The following SEMA3D variants were observed in gnomAD, a reference collection of about 807,000 sequenced individuals.
The protein encoded by SEMA3D is semaphorin-3D.
Under a neutral mutation model 100.1 loss-of-function variants are expected in SEMA3D, and 84 were observed. That is an observed-to-expected ratio of 0.84 (90% CI 0.70 to 1.01). SEMA3D has a LOEUF of 1.01. SEMA3D is among the 50% of genes least tolerant of loss of function. The pLI is 0.00. For synonymous variants in SEMA3D, 312 were observed against 320.7 expected (o/e 0.97, Z 0.29); for missense variants, 875 against 934.1 (o/e 0.94, Z 0.82).
chr7:85,091,152 G>GGGAAGGAA (rs1186876239), intron 4 of SEMA3D, among the ~76,000 whole-genome samples: 8 of 130,192 alleles, frequency 6.1e-5, no homozygotes, highest in Middle Eastern at 4.3e-3. Flanking sequence ...GAAGGAAGGA[G>GGGAAGGAA]GGAAGGAAGG....
chr7:85,075,049 T>C (rs1791884329), intron 5 of SEMA3D, among the ~76,000 whole-genome samples: 1 of 152,190 alleles, frequency 6.6e-6, no homozygotes, highest in African/African-American at 2.4e-5. Context: ...GGAGGTTTTA[T>C]AATCCAGCCT....
At chr7:85,226,223 A>C in the SEMA3D span, among the ~76,000 whole-genome samples, 8 of 152,044 alleles carry the variant, frequency 5.3e-5, no homozygotes, top group Admixed American at 3.3e-4. Context: ...TTAAAAAAAA[A>C]CTCTTTTTTT....
At chr7:85,198,221 T>C in the SEMA3D span, among the ~76,000 whole-genome samples, 1 of 152,148 alleles carries the variant, frequency 6.6e-6, no homozygotes, top group South Asian at 2.1e-4. Context: ...CTTTTTCCCG[T>C]ACAGGTTTTG....
intron 1 of SEMA3D, among the ~76,000 whole-genome samples, chr7:85,158,771 C>T (rs890937345): frequency 1.3e-5 from 2 of 152,080 alleles, no homozygotes; most frequent in Non-Finnish European, 2.9e-5. Flanking sequence ...GGACACTCAG[C>T]TTTAAAATTT....
intron 6 of SEMA3D, 118 bp downstream of exon 6, chr7:85,072,844 C>T (rs1253885454): frequency 5.1e-6 from 4 of 787,134 alleles, no homozygotes; most frequent in African/African-American, 1.8e-5. Flanking sequence ...CAGGCACCTC[C>T]ATGCCTGGCC....
Position 85,054,070 on chromosome 7 carries a change from G to A in SEMA3D, c.861+1647C>T, listed in dbSNP as rs577564764. Among the ~76,000 whole-genome samples, 26 of 151,882 alleles carry A rather than the reference G, an allele frequency of 1.7e-4. No individual in the cohort carries two copies. In the South Asian group the frequency reaches 5.4e-3, roughly 32 times the overall value. Reference sequence around the variant, plus strand: ...AGAATAGGTTATAATTTTAATATAGGAATTTATATATGGGATAACTAGATT... The same window carrying A: ...AGAATAGGTTATAATTTTAATATAGAAATTTATATATGGGATAACTAGATT... On this transcript the variant is annotated intron_variant, in intron 9 of 18. Transcript: ENST00000284136.
chr7:85,024,127 C>G (rs371419743), intron 12 of SEMA3D, among the ~76,000 whole-genome samples: 2 of 151,898 alleles, frequency 1.3e-5, no homozygotes, highest in Non-Finnish European at 2.9e-5. Flanking sequence ...AATGGAAGAA[C>G]CTTGCATTAA....
At chr7:85,184,386 G>C (rs1287324831) in intron 1 of SEMA3D, among the ~76,000 whole-genome samples, 1 of 151,696 alleles carries the variant, frequency 6.6e-6, no homozygotes, top group African/African-American at 2.4e-5. Flanking sequence ...TAACTACCTA[G>C]CTTATTCCCC....
At chr7:85,199,820 T>G in the SEMA3D span, among the ~76,000 whole-genome samples, 2 of 152,242 alleles carry the variant, frequency 1.3e-5, no homozygotes, top group Non-Finnish European at 2.9e-5. Flanking sequence ...TGATATGGTT[T>G]GGCTGTGTCC....
chr7:85,141,358 G>T (rs1790047710), intron 2 of SEMA3D: 1 of 984,210 alleles, frequency 1.0e-6, no homozygotes, highest in Non-Finnish European at 1.2e-6. Context: ...TAACTGCACA[G>T]TATGCCCTAT....
At chr7:85,102,822 G>C (rs147490773) in intron 3 of SEMA3D, among the ~76,000 whole-genome samples, 9 of 151,976 alleles carry the variant, frequency 5.9e-5, no homozygotes, top group Non-Finnish European at 1.2e-4. Flanking sequence ...TAAATATAAA[G>C]TTGATATAGC....
chr7:85,080,729 G>A (rs1315751402), intron 5 of SEMA3D, among the ~76,000 whole-genome samples: 2 of 152,100 alleles, frequency 1.3e-5, no homozygotes, highest in African/African-American at 4.8e-5. Flanking sequence ...GATGAGGAGA[G>A]GAGCCAGTCA....
In SEMA3D at chr7:85,012,863, A is replaced by C; in HGVS notation, c.1704-17T>G. 1 of 1,603,882 alleles carries C rather than the reference A, an allele frequency of 6.2e-7. No individual in the cohort carries two copies. The highest frequency in any genetic ancestry group is 1.1e-5 in the South Asian group (1 of 90,896). On this transcript the variant is annotated splice_polypyrimidine_tract_variant and intron_variant, in intron 16 of 18. Transcript: ENST00000284136. ...CTAGCTCTCCTGCGGAAAGGGGATT[A>C]AACTTATTAGAACTTCAAGCATGAT...
chr7:85,098,894 T>A (rs1788656127), intron 3 of SEMA3D, among the ~76,000 whole-genome samples: 1 of 151,838 alleles, frequency 6.6e-6, no homozygotes, highest in Non-Finnish European at 1.5e-5. Context: ...AAAGTTTAGC[T>A]TGTTATAGGA....
intron 4 of SEMA3D, among the ~76,000 whole-genome samples, chr7:85,087,344 T>A (rs141683711): frequency 1.2e-3 from 180 of 152,310 alleles, no homozygotes; most frequent in African/African-American, 4.1e-3. Context: ...AAGGATATAA[T>A]TTTGGTGGGT....
chr7:85,104,363 T>A (rs1242779664), intron 3 of SEMA3D, among the ~76,000 whole-genome samples: 1 of 152,108 alleles, frequency 6.6e-6, no homozygotes, highest in Non-Finnish European at 1.5e-5. Context: ...TGGAAATATC[T>A]TTTTATCTAT....
rs1790833430 is a variant in SEMA3D, at chr7:85,040,650, T to C, written c.1046+23A>G. On this transcript the variant is annotated intron_variant, in intron 11 of 18. Coordinates refer to ENST00000284136, the MANE Select transcript of SEMA3D (RefSeq NM_001384900.1). ...ATACATATACAATTCTCTGAAGCAT[T>C]AAAAGCATTTTGTTGAACATACCTG... 3 of 1,218,160 alleles carry C rather than the reference T, an allele frequency of 2.5e-6. No homozygotes were observed. The African/African-American group carries it at 4.5e-5, about 18-fold the overall frequency. The allele number at this position is 1,218,160 out of a possible 1,614,324, so 75.5% of individuals were successfully genotyped here. A position where few individuals can be genotyped will look rare whatever the true frequency, so the allele number is the denominator to read the frequency against.
At chr7:85,168,869 GAAA>G (rs1562843164) in intron 1 of SEMA3D, among the ~76,000 whole-genome samples, 7 of 114,088 alleles carry the variant, frequency 6.1e-5, no homozygotes, top group Non-Finnish European at 1.3e-4. Context: ...AAGAAAGAAA[GAAA>G]GAAAGAAAAG....
the SEMA3D span, among the ~76,000 whole-genome samples, chr7:85,225,613 A>T: frequency 6.6e-6 from 1 of 152,184 alleles, no homozygotes; most frequent in Non-Finnish European, 1.5e-5. Context: ...TACATATCCT[A>T]TCTTAATTGA....
Sources: gnomAD v4.1 joint callset for allele counts (sites outside exome capture counted in the v4.1 genomes callset) on GRCh38, gnomAD v4.1.1 for gene constraint, MANE v1.5 for transcripts, NCBI Gene and HGNC (gene_info 2026-07-23, HGNC 2026-07-21) for gene names.